Variants in CNTN6 observed in about 807,000 individuals in gnomAD.
CNTN6 encodes the protein contactin-6.
A neutral mutation model predicts 122.8 loss-of-function variants in CNTN6; 137 were observed. The observed-to-expected ratio is 1.12, with a 90% CI of 0.97 to 1.29. The LOEUF (loss-of-function observed/expected upper bound fraction) is 1.29. Ranked by LOEUF, CNTN6 falls within the 50% of genes most tolerant of loss-of-function variation. The probability of loss-of-function intolerance (pLI) is 0.00; values close to 1 mark genes in which losing one functional copy is unlikely to be tolerated. For synonymous variants in CNTN6, 570 were observed against 426.0 expected (o/e 1.34, Z -4.16); for missense variants, 1,634 against 1,223.4 (o/e 1.34, Z -5.01).
In CNTN6 at chr3:1,264,452, C is replaced by T. The variant is rs2094895447; in HGVS notation, c.359-13961C>T. Among the ~76,000 whole-genome samples, 4 of 152,160 alleles carry T rather than the reference C, an allele frequency of 2.6e-5. No individual in the cohort carries two copies. The South Asian group carries it at 8.3e-4, about 32-fold the overall frequency. On this transcript the variant is annotated intron_variant, in intron 4 of 22. Transcript: ENST00000446702. ...TCCTGAACCACCTGTCTTTGAGGAGCAGCCACATAGAGAGAGGTTGAGTGG... is the reference window on the plus strand; with the variant it reads ...TCCTGAACCACCTGTCTTTGAGGAGTAGCCACATAGAGAGAGGTTGAGTGG...
chr3:1,307,602 A>T (rs146968533), intron 7 of CNTN6, among the ~76,000 whole-genome samples: 103 of 152,258 alleles, frequency 6.8e-4, no homozygotes, highest in African/African-American at 2.4e-3. Flanking sequence ...TTTGGTATTT[A>T]TGCCCTTCTA....
chr3:1,315,051 A>T (rs73093251), intron 7 of CNTN6, among the ~76,000 whole-genome samples: 5,527 of 152,012 alleles, frequency 0.036, 366 homozygotes, highest in African/African-American at 0.13. Context: ...TTAAAGGGAA[A>T]TGTTGCCAGA....
chr3:1,390,176 C>T (rs1693894434), intron 20 of CNTN6, among the ~76,000 whole-genome samples: 2 of 151,808 alleles, frequency 1.3e-5, no homozygotes, highest in Admixed American at 6.6e-5. Context: ...CTCTCCTCAG[C>T]AAATGTAAAA....
intron 2 of CNTN6, among the ~76,000 whole-genome samples, chr3:1,216,801 T>C (rs986149930): frequency 6.6e-6 from 1 of 152,234 alleles, no homozygotes; most frequent in African/African-American, 2.4e-5. Flanking sequence ...GCAAATATTT[T>C]AGAAGACTAA....
In CNTN6 at chr3:1,383,851, AG is replaced by A. The variant is rs1692326478; in HGVS notation, c.2517+446del. 2.8e-5 allele frequency among the ~76,000 whole-genome samples: 4 copies of A among 140,430 alleles called. No homozygotes were observed. In the South Asian group the frequency reaches 9.0e-4, roughly 32 times the overall value. 92.1% of individuals were successfully genotyped at this position (140,430 alleles called of 152,430 possible). On this transcript the variant is annotated intron_variant, in intron 19 of 22. Transcript: ENST00000446702. ...TAGTTATTCAGAAATTTCTAGAAAAAGGGTGGTAACCTCCAGGCCATTGCCA... is the reference window on the plus strand; with the variant it reads ...TAGTTATTCAGAAATTTCTAGAAAAAGGTGGTAACCTCCAGGCCATTGCCA...
At chr3:1,095,243 C>A (rs938330763) in intron 1 of CNTN6, among the ~76,000 whole-genome samples, 2 of 151,952 alleles carry the variant, frequency 1.3e-5, no homozygotes, top group Non-Finnish European at 2.9e-5. Flanking sequence ...GAGGCCGAGG[C>A]GGGCGGATCA....
chr3:1,294,796 C>G (rs1238491051), intron 5 of CNTN6, among the ~76,000 whole-genome samples: 1 of 152,198 alleles, frequency 6.6e-6, no homozygotes. Context: ...TAGGCTCCTT[C>G]TCTGGGCTCC....
chr3:1,330,387 A>G (rs564664556), intron 11 of CNTN6, among the ~76,000 whole-genome samples: 1 of 151,998 alleles, frequency 6.6e-6, no homozygotes. Context: ...AGGTTCCTGT[A>G]GAGAAAGAAG....
chr3:1,248,724 G>A (rs1411100787), intron 4 of CNTN6, among the ~76,000 whole-genome samples: 1 of 152,138 alleles, frequency 6.6e-6, no homozygotes, highest in Non-Finnish European at 1.5e-5. Context: ...GGAGGCTGAT[G>A]CAGGAGGATC....
chr3:1,132,655 T>C (rs1380898018), intron 1 of CNTN6, among the ~76,000 whole-genome samples: 1 of 63,784 alleles, frequency 1.6e-5, no homozygotes, highest in Admixed American at 1.6e-4. Flanking sequence ...AAACTCTGTC[T>C]AAAAAATAAA....
chr3:1,282,459 C>G (rs201697907), intron 5 of CNTN6, among the ~76,000 whole-genome samples: 5 of 152,228 alleles, frequency 3.3e-5, no homozygotes, highest in Admixed American at 6.5e-5. Context: ...GCACCATTCT[C>G]TGTAATCTGA....
intron 7 of CNTN6, among the ~76,000 whole-genome samples, chr3:1,316,205 A>G (rs1170740440): frequency 1.3e-5 from 2 of 151,952 alleles, no homozygotes; most frequent in Non-Finnish European, 2.9e-5. Context: ...GAGGCGTATT[A>G]ATCTATTCTT....
At chr3:1,300,390 TTCTC>T (rs1444972863) in intron 7 of CNTN6, among the ~76,000 whole-genome samples, 1 of 151,256 alleles carries the variant, frequency 6.6e-6, no homozygotes, top group Non-Finnish European at 1.5e-5. Context: ...CCCAGTCCTG[TTCTC>T]TCTGTCTCAG....
At chr3:1,373,274 C>T (rs1443535400) in intron 14 of CNTN6, among the ~76,000 whole-genome samples, 3 of 152,122 alleles carry the variant, frequency 2.0e-5, no homozygotes, top group African/African-American at 7.2e-5. Flanking sequence ...GTCAAATCCA[C>T]ATGCTCCTGT....
chr3:1,382,038 G>T (rs73094998), intron 17 of CNTN6, among the ~76,000 whole-genome samples: 1,558 of 151,916 alleles, frequency 0.01, 28 homozygotes, highest in African/African-American at 0.036. Flanking sequence ...TGGAGTTGTG[G>T]ACATGAGGGA....
chr3:1,097,444 A>G (rs1413649456), intron 1 of CNTN6, among the ~76,000 whole-genome samples: 1 of 152,234 alleles, frequency 6.6e-6, no homozygotes, highest in Non-Finnish European at 1.5e-5. Context: ...CAATAAAAGA[A>G]CATGATGTGT....
At chr3:1,230,032 G>T (rs534355920) in intron 4 of CNTN6, among the ~76,000 whole-genome samples, 7 of 152,090 alleles carry the variant, frequency 4.6e-5, no homozygotes, top group Non-Finnish European at 1.0e-4. Flanking sequence ...TGTGGAAACA[G>T]AGAGTAAAGG....
chr3:1,255,421 AAAAAAAAG>A (rs1158967209), intron 4 of CNTN6, among the ~76,000 whole-genome samples: 1 of 147,590 alleles, frequency 6.8e-6, no homozygotes, highest in African/African-American at 2.5e-5. Context: ...AAAATGGAAA[AAAAAAAAG>A]AAAGAAAGAA....
chr3:1,280,338 G>C (rs1693148206), intron 5 of CNTN6, among the ~76,000 whole-genome samples: 1 of 151,988 alleles, frequency 6.6e-6, no homozygotes, highest in South Asian at 2.1e-4. Flanking sequence ...CATTGTAACA[G>C]CGCCCGTGGG....
Sources: allele counts gnomAD v4.1 joint callset (sites outside exome capture counted in the v4.1 genomes callset), GRCh38; gene constraint gnomAD v4.1.1; transcripts MANE v1.5; gene names NCBI Gene and HGNC (gene_info 2026-07-23, HGNC 2026-07-21).